DST: variants seen among roughly 807,000 people sequenced by gnomAD.
DST encodes the protein dystonin.
Under a neutral mutation model 875.2 loss-of-function variants are expected in DST, and 253 were observed. That is an observed-to-expected ratio of 0.29 (90% CI 0.26 to 0.32). DST has a LOEUF of 0.32. Ranked by LOEUF, DST falls within the 10% of genes least tolerant of loss-of-function variation. The pLI, the probability that DST is intolerant of heterozygous loss-of-function variation, is 1.00. For synonymous variants in DST, 3,124 were observed against 3,197.1 expected (o/e 0.98, Z 0.77); for missense variants, 8,287 against 9,111.6 (o/e 0.91, Z 3.68).
At chr6:56,808,025 T>C (rs1268056981) in intron 4 of DST, among the ~76,000 whole-genome samples, 1 of 152,208 alleles carries the variant, frequency 6.6e-6, no homozygotes, top group African/African-American at 2.4e-5. Flanking sequence ...CCAAACCACT[T>C]GGCTGTTGAA....
In DST at chr6:56,921,214, G is replaced by A. The variant is rs181659646; in HGVS notation, c.217-20593C>T. 3.0e-3 allele frequency among the ~76,000 whole-genome samples: 453 copies of A among 152,042 alleles called. 1 individual carries two copies. The highest frequency in any genetic ancestry group is 0.01 in the African/African-American group (433 of 41,480). ...GATTCTGTTCCTCCCAAAGAATATA[G>A]GTTTATTATCTAGAAAAGCTCTAAT... On this transcript the variant is annotated intron_variant, in intron 2 of 103. Transcript: ENST00000680361.
chr6:56,726,355 G>A (rs1481318886), intron 5 of DST, among the ~76,000 whole-genome samples: 1 of 152,156 alleles, frequency 6.6e-6, no homozygotes, highest in African/African-American at 2.4e-5. Context: ...ACTAGAGCCT[G>A]GAAATGGGGT....
intron 19 of DST, 63 bp downstream of exon 19, chr6:56,639,866 C>T: frequency 6.3e-7 from 1 of 1,594,960 alleles, no homozygotes; most frequent in Non-Finnish European, 8.6e-7. Flanking sequence ...ACAGGGTCTT[C>T]ATGTAAAAAG....
At position 56,468,982 on chromosome 6, in the gene DST, C is replaced by A. The variant is rs868570033; in HGVS notation, c.22569G>T (p.Gln7523His). 6.3e-7 allele frequency: 1 copy of A among 1,578,412 alleles called. No individual in the cohort carries two copies. The highest frequency in any genetic ancestry group is 2.3e-5 in the East Asian group (1 of 43,820). ...DNKYRFFLGN[Q>H]FGDSQQLRLV... ...GAGAATACATTCCACTGGTTTATACCTGATTTCCCAGGAAGAACTGATAAA... is the reference window on the plus strand; with the variant it reads ...GAGAATACATTCCACTGGTTTATACATGATTTCCCAGGAAGAACTGATAAA... Residue 7523 changes from glutamine to histidine, a missense_variant and splice_region_variant, in exon 98 of 104, where the codon CAG becomes CAT. This residue lies in a region of DST where 87 missense variants were observed against 209.7 expected (regional missense o/e 0.41). Coordinates refer to ENST00000680361, the MANE Select transcript of DST (RefSeq NM_001374736.1).
chr6:56,629,820 T>A (rs1305887257), intron 31 of DST, among the ~76,000 whole-genome samples: 1 of 152,238 alleles, frequency 6.6e-6, no homozygotes, highest in East Asian at 1.9e-4. Context: ...AGATAACTTT[T>A]AAAAATTGCT....
rs1373344921 is a variant in DST, at chr6:56,899,994, G to A, written c.417+427C>T. On this transcript the variant is annotated intron_variant, in intron 3 of 103. Coordinates refer to ENST00000680361, the MANE Select transcript of DST (RefSeq NM_001374736.1). ...CTCACTGGCTCAAGAGCCTCCAGGAGGAGTTCAGCCACTGCTACTGCCCAA... is the reference window on the plus strand; with the variant it reads ...CTCACTGGCTCAAGAGCCTCCAGGAAGAGTTCAGCCACTGCTACTGCCCAA... Among the ~76,000 whole-genome samples, 4 of 152,290 alleles carry A rather than the reference G, an allele frequency of 2.6e-5. No individual in the cohort carries two copies. The East Asian group carries it at 7.7e-4, about 29-fold the overall frequency.
intron 44 of DST, among the ~76,000 whole-genome samples, chr6:56,601,116 G>A (rs1003150910): frequency 1.3e-5 from 2 of 151,922 alleles, no homozygotes; most frequent in East Asian, 3.9e-4. Context: ...AGAGGAAAAC[G>A]AAACTCTTAA....
intron 4 of DST, among the ~76,000 whole-genome samples, chr6:56,800,373 T>C (rs1454905572): frequency 6.6e-6 from 1 of 152,252 alleles, no homozygotes; most frequent in Non-Finnish European, 1.5e-5. Context: ...TAGTTCATTT[T>C]CTTAACTGTA....
At chr6:56,520,293 T>C (rs1562523644) in intron 69 of DST, among the ~76,000 whole-genome samples, 1 of 152,008 alleles carries the variant, frequency 6.6e-6, no homozygotes. Flanking sequence ...GTTATCAGAG[T>C]CCCAGAAGGA....
chr6:56,669,477 T>G (rs2099088810), intron 10 of DST, among the ~76,000 whole-genome samples: 1 of 151,506 alleles, frequency 6.6e-6, no homozygotes, highest in African/African-American at 2.4e-5. Context: ...ATGCCTGTAG[T>G]CCCAGCTTCT....
intron 36 of DST, chr6:56,615,290 A>T: frequency 1.5e-6 from 2 of 1,342,142 alleles, no homozygotes; most frequent in Non-Finnish European, 1.9e-6. Context: ...CAAGTTTCAA[A>T]AAACCATTCT....
chr6:56,655,004 T>C (rs1353856910), intron 10 of DST, among the ~76,000 whole-genome samples: 1 of 151,310 alleles, frequency 6.6e-6, no homozygotes, highest in Non-Finnish European at 1.5e-5. Flanking sequence ...CCACTAAAAA[T>C]ACAAAACTTA....
chr6:56,555,596 T>G lies in DST; in HGVS notation c.14885A>C (p.Lys4962Thr). The change falls in exon 60 of 104, where the codon AAA becomes ACA. Residue 4962 changes from lysine (K) to threonine (T), a missense_variant. Around this residue, in one of 10 missense-constraint regions of DST, gnomAD observed 1,513 missense variants for 1,677.8 expected, o/e 0.90. Transcript: ENST00000680361. The part of the protein sequence containing the change: ...YQSLLRSLSD[K>T]LSDLDNKLSS... ...GAGTTTATTATCCAAGTCACTCAGT[T>G]TATCAGAAAGGCTTCTCAGCAGGCT... 2 of 1,614,040 alleles carry G rather than the reference T, an allele frequency of 1.2e-6. No homozygotes were observed. The highest frequency in any genetic ancestry group is 1.7e-6 in the Non-Finnish European group (2 of 1,179,900).
At position 56,508,838 on chromosome 6, in the gene DST, G is replaced by A; in HGVS notation, c.19013-83C>T. The A allele has an allele frequency of 3.5e-6, 4 of 1,131,018 alleles. No homozygotes were observed. The South Asian group carries it at 6.4e-5, about 18-fold the overall frequency. 70.1% of individuals were successfully genotyped at this position (1,131,018 alleles called of 1,614,324 possible). A position where few individuals can be genotyped will look rare whatever the true frequency, so the allele number is the denominator to read the frequency against. ...CAGAATGTTATAGTTCACACAGAAA[G>A]TAGTGATCCAATTTGCTAAGTATCT... is the stretch of plus-strand genomic sequence containing the variant. On this transcript the variant is annotated intron_variant, in intron 74 of 103. Transcript: ENST00000680361.
At chr6:56,589,380 T>C (rs1169619608) in intron 49 of DST, among the ~76,000 whole-genome samples, 26 of 152,204 alleles carry the variant, frequency 1.7e-4, no homozygotes, top group Admixed American at 1.7e-3. Flanking sequence ...TAGTTGTTTA[T>C]AGTGCTATTT....
At chr6:56,494,786 G>A (rs2095855871) in intron 82 of DST, among the ~76,000 whole-genome samples, 1 of 151,816 alleles carries the variant, frequency 6.6e-6, no homozygotes, top group Non-Finnish European at 1.5e-5. Flanking sequence ...TTCTATACAG[G>A]ACATAAAATA....
chr6:56,802,166 T>C (rs1425850612), intron 4 of DST, among the ~76,000 whole-genome samples: 1 of 152,190 alleles, frequency 6.6e-6, no homozygotes, highest in Non-Finnish European at 1.5e-5. Context: ...ATTTAAGGAA[T>C]AATCTGAGCA....
intron 4 of DST, among the ~76,000 whole-genome samples, chr6:56,749,013 A>C (rs574100115): frequency 1.3e-5 from 2 of 152,316 alleles, no homozygotes; most frequent in African/African-American, 4.8e-5. Context: ...AAATTAGAAA[A>C]AGGTACAGAG....
chr6:56,614,113 AT>A (rs1253153952), intron 37 of DST, among the ~76,000 whole-genome samples: 5 of 152,222 alleles, frequency 3.3e-5, no homozygotes, highest in Admixed American at 3.3e-4. Flanking sequence ...AGCATACTGT[AT>A]TCGTTTACTA....
Sources: gnomAD v4.1 joint callset for allele counts (sites outside exome capture counted in the v4.1 genomes callset) on GRCh38, gnomAD v4.1.1 for gene constraint, gnomAD v4.1.1 regional missense constraint, MANE v1.5 for transcripts, NCBI Gene and HGNC (gene_info 2026-07-23, HGNC 2026-07-21) for gene names.